The following PMVK variants were observed in gnomAD, a reference collection of about 807,000 sequenced individuals.
The protein encoded by PMVK is phosphomevalonate kinase.
In PMVK, 10 loss-of-function variants were observed where a neutral mutation model predicts 19.0. That is an observed-to-expected ratio of 0.53 (90% CI 0.32 to 0.89). The LOEUF (loss-of-function observed/expected upper bound fraction) is 0.89, where lower values mean the gene tolerates loss of function less well. Among genes scored for constraint, PMVK ranks in the 40% least tolerant of loss-of-function variants. The pLI, the probability that PMVK is intolerant of heterozygous loss-of-function variation, is 0.03. For missense variants in PMVK, 222 were observed against 251.1 expected (o/e 0.88, Z 0.78); for synonymous variants, 108 against 101.6 (o/e 1.06, Z -0.38).
chr1:154,929,978 TGAACCAGTTTCCCTCCAGGA>T (rs1323954481), intron 2 of PMVK, among the ~76,000 whole-genome samples: 4 of 152,230 alleles, frequency 2.6e-5, no homozygotes, highest in African/African-American at 9.6e-5. Flanking sequence ...CTCCTGCTCC[TGAACCAGTTTCCCTCCAGGA>T]GCGTTGTGGT....
chr1:154,925,057 G>T lies in PMVK; in HGVS notation c.*72C>A. The T allele has an allele frequency of 1.4e-6, 2 of 1,403,986 alleles. No homozygotes were observed. The highest frequency in any genetic ancestry group is 9.7e-7 in the Non-Finnish European group (1 of 1,031,120). The allele number at this position is 1,403,986 out of a possible 1,614,324, so 87.0% of individuals were successfully genotyped here. ...TTCCTCACCTCGGCCAGGATCGGGGGACACCCCCATTTTGCAGAGTCAGCC... is the reference window on the plus strand; with the variant it reads ...TTCCTCACCTCGGCCAGGATCGGGGTACACCCCCATTTTGCAGAGTCAGCC... On this transcript the variant is annotated 3_prime_UTR_variant, in exon 5 of 5. Transcript: ENST00000368467.
At chr1:154,929,927 C>A (rs1389982794) in intron 2 of PMVK, among the ~76,000 whole-genome samples, 1 of 152,194 alleles carries the variant, frequency 6.6e-6, no homozygotes, top group Non-Finnish European at 1.5e-5. Context: ...TTCTTGATCA[C>A]CCACCTGCTC....
chr1:154,940,182 T>A (rs1174878439), upstream of PMVK, among the ~76,000 whole-genome samples: 1 of 152,234 alleles, frequency 6.6e-6, no homozygotes, highest in Non-Finnish European at 1.5e-5. Flanking sequence ...GCAATGGACC[T>A]TCCAAAGGGA....
chr1:154,929,552 A>G (rs1234368130), intron 2 of PMVK, among the ~76,000 whole-genome samples: 1 of 151,756 alleles, frequency 6.6e-6, no homozygotes, highest in South Asian at 2.1e-4. Context: ...CTGAGGGGGG[A>G]AAAAAAATCC....
At chr1:154,939,704 C>CAAAA (rs79939253), upstream of PMVK, among the ~76,000 whole-genome samples, 1 of 117,612 alleles carries the variant, frequency 8.5e-6, no homozygotes. Context: ...GACTCCATCT[C>CAAAA]AAAAAAAAAA....
At chr1:154,926,184 G>A (rs1654152431) in intron 4 of PMVK, among the ~76,000 whole-genome samples, 170 bp downstream of exon 4, 1 of 152,212 alleles carries the variant, frequency 6.6e-6, no homozygotes, top group South Asian at 2.1e-4. Context: ...CCTAGGTTAA[G>A]CCAAGGGAAC....
Position 154,925,080 on chromosome 1 carries a change from G to GGGCC in PMVK, c.*48_*49insGGCC. On this transcript the variant is annotated 3_prime_UTR_variant, in exon 5 of 5. Transcript: ENST00000368467. ...GGGACACCCCCATTTTGCAGAGTCA[G>GGGCC]CCCCACCCCCACCTCAGCAGGCCCC... is the stretch of plus-strand genomic sequence containing the variant. The GGGCC allele has an allele frequency of 6.9e-7, 1 of 1,459,214 alleles. No homozygotes were observed. The highest frequency in any genetic ancestry group is 9.3e-7 in the Non-Finnish European group (1 of 1,076,454). The allele number at this position is 1,459,214 out of a possible 1,614,324, so 90.4% of individuals were successfully genotyped here.
intron 3 of PMVK, among the ~76,000 whole-genome samples, chr1:154,928,186 T>A (rs1280542034): frequency 6.6e-6 from 1 of 152,084 alleles, no homozygotes; most frequent in Non-Finnish European, 1.5e-5. Context: ...TGTGGAGGTG[T>A]CATGTCAACT....
chr1:154,941,741 C>T, the PMVK span, among the ~76,000 whole-genome samples: 6 of 152,202 alleles, frequency 3.9e-5, no homozygotes, highest in African/African-American at 1.2e-4. Context: ...ATGACCCACC[C>T]ACCCCATCTG....
intron 4 of PMVK, 74 bp from the exon 5 acceptor site, chr1:154,925,339 A>C: frequency 6.6e-7 from 1 of 1,510,804 alleles, no homozygotes; most frequent in Non-Finnish European, 9.2e-7. Context: ...TGCTAACCCC[A>C]ACTGGAGTGG....
In PMVK at chr1:154,929,157, T is replaced by C; in HGVS notation, c.179A>G (p.Gln60Arg). Reference sequence around the variant, plus strand: ...GTAGGTGCTGGTGTCCAGGAGTCTCTGGAAGTTCAAGCCATGCTCCTGCCC... The same window carrying C: ...GTAGGTGCTGGTGTCCAGGAGTCTCCGGAAGTTCAAGCCATGCTCCTGCCC... ...QYAQEHGLNF[Q>R]RLLDTSTYKE... Residue 60 changes from glutamine (Q) to arginine (R), a missense_variant, in exon 3 of 5, where the codon CAG becomes CGG. Transcript: ENST00000368467. 4.3e-6 allele frequency: 7 copies of C among 1,614,138 alleles called. No homozygotes were observed. The South Asian group carries it at 5.5e-5, about 13-fold the overall frequency.
chr1:154,934,382 T>C (rs187254950), intron 1 of PMVK, among the ~76,000 whole-genome samples: 5 of 152,264 alleles, frequency 3.3e-5, no homozygotes, highest in Admixed American at 2.6e-4. Flanking sequence ...AGTGGTATGA[T>C]CACAGCTCAC....
chr1:154,941,627 C>T (rs952817205), upstream of PMVK, among the ~76,000 whole-genome samples: 1 of 151,896 alleles, frequency 6.6e-6, no homozygotes, highest in African/African-American at 2.4e-5. Flanking sequence ...TGGGCCCAGC[C>T]GGACGAGGCT....
intron 3 of PMVK, among the ~76,000 whole-genome samples, chr1:154,928,359 C>G (rs1368730489): frequency 6.6e-6 from 1 of 152,202 alleles, no homozygotes; most frequent in East Asian, 1.9e-4. Flanking sequence ...GTAGCAGAAA[C>G]TGGATCACAC....
intron 1 of PMVK, among the ~76,000 whole-genome samples, chr1:154,934,624 C>T (rs2101973195): frequency 6.6e-6 from 1 of 152,250 alleles, no homozygotes; most frequent in African/African-American, 2.4e-5. Context: ...GTAGTGAAGC[C>T]AAGATTGGTA....
the PMVK span, among the ~76,000 whole-genome samples, chr1:154,942,257 G>A: frequency 2.0e-5 from 3 of 152,216 alleles, no homozygotes; most frequent in African/African-American, 7.2e-5. Context: ...GACACGTGGT[G>A]AAATCCAGTG....
intron 4 of PMVK, 134 bp downstream of exon 4, chr1:154,926,220 A>T: frequency 1.3e-6 from 1 of 787,248 alleles, no homozygotes; most frequent in Non-Finnish European, 2.0e-6. Context: ...TCTGTCCACC[A>T]TGCTACTCCC....
chr1:154,925,077 T>C lies in PMVK; in HGVS notation c.*52A>G. ...CGGGGGACACCCCCATTTTGCAGAGTCAGCCCCACCCCCACCTCAGCAGGC... is the reference window on the plus strand; with the variant it reads ...CGGGGGACACCCCCATTTTGCAGAGCCAGCCCCACCCCCACCTCAGCAGGC... On this transcript the variant is annotated 3_prime_UTR_variant, in exon 5 of 5. Transcript: ENST00000368467. 1.5e-6 allele frequency: 2 copies of C among 1,347,832 alleles called. No homozygotes were observed. The highest frequency in any genetic ancestry group is 1.2e-5 in the South Asian group (1 of 81,146). The allele number at this position is 1,347,832 out of a possible 1,614,324, so 83.5% of individuals were successfully genotyped here.
chr1:154,927,432 G>C lies in PMVK; in HGVS notation c.313-949C>G, dbSNP rs924836802. Among the ~76,000 whole-genome samples the C allele has an allele frequency of 2.6e-5, 3 of 116,014 alleles. No homozygotes were observed. In the South Asian group the frequency reaches 8.8e-4, roughly 34 times the overall value. The allele number at this position is 116,014 out of a possible 152,430, so 76.1% of individuals were successfully genotyped here. On this transcript the variant is annotated intron_variant, in intron 3 of 4. Coordinates refer to ENST00000368467, the MANE Select transcript of PMVK (RefSeq NM_006556.4). ...CACCGCACTCCAGCCTTGGTGACAA[G>C]AGTGAGACTCTGTCTCAAAAAAAAA...
Sources: gnomAD v4.1 joint callset for allele counts (sites outside exome capture counted in the v4.1 genomes callset) on GRCh38, gnomAD v4.1.1 for gene constraint, MANE v1.5 for transcripts, NCBI Gene and HGNC (gene_info 2026-07-23, HGNC 2026-07-21) for gene names.